Variants in PCDHA7 observed in about 807,000 individuals in gnomAD.
The protein encoded by PCDHA7 is protocadherin alpha 7, also known as protocadherin alpha-7.
Under a neutral mutation model 57.2 loss-of-function variants are expected in PCDHA7, and 37 were observed. The observed-to-expected ratio is 0.65, with a 90% CI of 0.50 to 0.85. The LOEUF (loss-of-function observed/expected upper bound fraction) is 0.85. Ranked by LOEUF, PCDHA7 falls within the 40% of genes least tolerant of loss-of-function variation. The pLI is 0.00. For missense variants in PCDHA7, 1,188 were observed against 1,241.8 expected (o/e 0.96, Z 0.65); for synonymous variants, 553 against 558.8 (o/e 0.99, Z 0.15).
intron 1 of PCDHA7, among the ~76,000 whole-genome samples, chr5:140,971,186 G>T (rs1052745272): frequency 1.8e-4 from 28 of 152,258 alleles, no homozygotes; most frequent in African/African-American, 6.7e-4. Context: ...TAAGCCGGAA[G>T]CTCAGAGGAA....
intron 1 of PCDHA7, among the ~76,000 whole-genome samples, chr5:140,888,848 CAG>C (rs1554183676): frequency 6.6e-6 from 1 of 151,980 alleles, no homozygotes; most frequent in African/African-American, 2.4e-5. Context: ...AGCCTGGTGA[CAG>C]AGTGAGACCA....
At chr5:140,968,835 A>C in intron 1 of PCDHA7, 2 of 1,614,194 alleles carry the variant, frequency 1.2e-6, no homozygotes, top group Non-Finnish European at 1.7e-6. Flanking sequence ...ATCCTCCCTG[A>C]CACTCAGAGG....
At chr5:140,873,452 C>G (rs147398020) in intron 1 of PCDHA7, among the ~76,000 whole-genome samples, 1 of 152,006 alleles carries the variant, frequency 6.6e-6, no homozygotes, top group South Asian at 2.1e-4. Context: ...AACAAATTTG[C>G]ATTTTAGATA....
intron 1 of PCDHA7, among the ~76,000 whole-genome samples, chr5:140,890,386 A>G (rs905205351): frequency 6.6e-6 from 1 of 152,202 alleles, no homozygotes; most frequent in Admixed American, 6.5e-5. Flanking sequence ...TCTTTCTTAG[A>G]TAATCTATAA....
rs192969362 is a variant in PCDHA7 at position 140,893,205 on chromosome 5, T to C, written c.2355+56467T>C. On this transcript the variant is annotated intron_variant, in intron 1 of 3. Transcript: ENST00000525929. ...CTATTGTGAATAGTGCTGCAGTAAG[T>C]ATGGGAGGTGCAGGTATCACTTTGA... Among the ~76,000 whole-genome samples, 9 of 152,220 alleles carry C rather than the reference T, an allele frequency of 5.9e-5. No homozygotes were observed. The East Asian group carries it at 9.6e-4, about 16-fold the overall frequency.
chr5:140,990,155 G>A (rs1483856647), intron 3 of PCDHA7, among the ~76,000 whole-genome samples: 2 of 152,076 alleles, frequency 1.3e-5, no homozygotes, highest in Admixed American at 6.5e-5. Context: ...ATAATAGAAA[G>A]TTAGGGTATG....
chr5:140,994,434 G>A (rs1238502710), intron 3 of PCDHA7, among the ~76,000 whole-genome samples: 1 of 152,156 alleles, frequency 6.6e-6, no homozygotes, highest in African/African-American at 2.4e-5. Flanking sequence ...CGGGCGCAGT[G>A]GCTCACACCT....
rs76093196 is a variant in PCDHA7, at chr5:140,971,173, C to G, written c.2356-7776C>G. Reference sequence around the variant, plus strand: ...AGGCCAGGCTCAGCTTTGCCACCAGCTGTAAGCCGGAAGCTCAGAGGAAAG... The same window carrying G: ...AGGCCAGGCTCAGCTTTGCCACCAGGTGTAAGCCGGAAGCTCAGAGGAAAG... On this transcript the variant is annotated intron_variant, in intron 1 of 3. Transcript: ENST00000525929. Among the ~76,000 whole-genome samples the G allele has an allele frequency of 3.8e-3, 583 of 152,260 alleles. 1 individual carries two copies. Among genetic ancestry groups the G allele is most frequent in the Non-Finnish European group, 7.2e-3 (492 of 68,018 alleles).
intron 1 of PCDHA7, chr5:140,877,239 C>T (rs2056959197): frequency 1.9e-6 from 3 of 1,613,668 alleles, no homozygotes; most frequent in Middle Eastern, 1.7e-4. Context: ...GTGCGGGCCA[C>T]GTGGTGGCGA....
intron 1 of PCDHA7, chr5:140,968,038 C>T (rs1554230238): frequency 8.7e-6 from 14 of 1,614,148 alleles, no homozygotes; most frequent in East Asian, 2.2e-5. Flanking sequence ...TGGTGGTGAG[C>T]GGCCCACTGG....
intron 3 of PCDHA7, among the ~76,000 whole-genome samples, chr5:141,009,322 G>C (rs2098405890): frequency 6.6e-6 from 1 of 152,206 alleles, no homozygotes. Flanking sequence ...AGCCTGGCAT[G>C]GGAGCTTGTG....
intron 1 of PCDHA7, chr5:140,876,833 C>A: frequency 1.2e-6 from 2 of 1,614,176 alleles, no homozygotes; most frequent in Admixed American, 1.7e-5. Flanking sequence ...AATGCGCCTG[C>A]GTTCGCGCAG....
At chr5:140,973,207 A>C (rs1335984656) in intron 1 of PCDHA7, among the ~76,000 whole-genome samples, 1 of 152,100 alleles carries the variant, frequency 6.6e-6, no homozygotes, top group Non-Finnish European at 1.5e-5. Flanking sequence ...GTGCATATTC[A>C]CCCTAATTCC....
intron 1 of PCDHA7, among the ~76,000 whole-genome samples, chr5:140,952,560 C>T (rs536018099): frequency 5.2e-4 from 79 of 152,304 alleles, no homozygotes; most frequent in Non-Finnish European, 1.0e-3. Context: ...TCACTATCAG[C>T]ACTTCGGTCC....
At chr5:140,972,854 G>C (rs895738831) in intron 1 of PCDHA7, among the ~76,000 whole-genome samples, 1 of 151,946 alleles carries the variant, frequency 6.6e-6, no homozygotes, top group African/African-American at 2.4e-5. Context: ...AGTAGAGATG[G>C]GGTTTCATCA....
At chr5:140,894,256 A>G (rs1554186008) in intron 1 of PCDHA7, among the ~76,000 whole-genome samples, 1 of 152,010 alleles carries the variant, frequency 6.6e-6, no homozygotes, top group African/African-American at 2.4e-5. Context: ...TTTTCTTTAC[A>G]AGTGGTAGCT....
intron 1 of PCDHA7, among the ~76,000 whole-genome samples, chr5:140,899,492 T>A (rs1325439071): frequency 3.9e-5 from 6 of 152,338 alleles, no homozygotes; most frequent in Admixed American, 3.3e-4. Context: ...CTGGATTACA[T>A]TTATTGATTT....
intron 1 of PCDHA7, chr5:140,857,929 G>A: frequency 1.3e-6 from 2 of 1,597,764 alleles, no homozygotes; most frequent in Non-Finnish European, 1.7e-6. Flanking sequence ...GGCTGTACAC[G>A]GGCGAGATCA....
chr5:140,918,282 C>G (rs2078612020), intron 1 of PCDHA7, among the ~76,000 whole-genome samples: 1 of 152,016 alleles, frequency 6.6e-6, no homozygotes, highest in Non-Finnish European at 1.5e-5. Flanking sequence ...GATGTAGGAG[C>G]TTTTTGGCAG....
Sources: allele counts gnomAD v4.1 joint callset (sites outside exome capture counted in the v4.1 genomes callset), GRCh38; gene constraint gnomAD v4.1.1; transcripts MANE v1.5; gene names NCBI Gene and HGNC (gene_info 2026-07-23, HGNC 2026-07-21).